Variants in GSE1 observed in about 807,000 individuals in gnomAD.
The protein encoded by GSE1 is Gse1 coiled-coil protein.
A neutral mutation model predicts 112.6 loss-of-function variants in GSE1; 32 were observed. The ratio of observed to expected loss-of-function variants is 0.28; its 90% CI spans 0.21 to 0.38. The LOEUF (loss-of-function observed/expected upper bound fraction) is 0.38. Ranked by LOEUF, GSE1 falls within the 10% of genes least tolerant of loss-of-function variation. The pLI is 1.00. For missense variants in GSE1, 2,348 were observed against 1,699.2 expected (o/e 1.38, Z -6.71); for synonymous variants, 1,115 against 735.6 (o/e 1.52, Z -8.35).
intron 1 of GSE1, among the ~76,000 whole-genome samples, chr16:85,560,725 C>T (rs1182669995): frequency 6.6e-6 from 1 of 152,120 alleles, no homozygotes; most frequent in Non-Finnish European, 1.5e-5. Flanking sequence ...CCTAGATCCC[C>T]CCTTTCCTGA....
chr16:85,441,060 G>C (rs2049364611), intron 2 of GSE1, among the ~76,000 whole-genome samples: 1 of 152,206 alleles, frequency 6.6e-6, no homozygotes, highest in Non-Finnish European at 1.5e-5. Context: ...GGTGGCAGCT[G>C]ATCCCAGTGC....
Position 85,419,473 on chromosome 16 carries a change from G to A in GSE1, c.2464+61830G>A, listed in dbSNP as rs1416475121. Among the ~76,000 whole-genome samples, 3 of 152,028 alleles carry A rather than the reference G, an allele frequency of 2.0e-5. No individual in the cohort carries two copies. The highest frequency in any genetic ancestry group is 2.9e-5 in the Non-Finnish European group (2 of 68,006). On this transcript the variant is annotated intron_variant, in intron 2 of 2. Coordinates refer to the GSE1 transcript ENST00000637419. This position sits in a 1 kb window ranked among gnomAD's most constrained non-coding sequence, Gnocchi z 6.5. The stretch of plus-strand genomic sequence containing the variant: ...GAACAAAAGTTAGCCAGGCGTGGTG[G>A]TGCACATCTGTGGTCCTAGCTACTC...
intron 2 of GSE1, among the ~76,000 whole-genome samples, chr16:85,480,375 C>T (rs1262711005): frequency 1.3e-5 from 2 of 152,214 alleles, no homozygotes; most frequent in African/African-American, 4.8e-5. Context: ...GGCCTTGCGG[C>T]AGGGGGCGCG....
intron 2 of GSE1, among the ~76,000 whole-genome samples, chr16:85,369,301 G>C (rs2047246698): frequency 6.6e-6 from 1 of 151,918 alleles, no homozygotes; most frequent in African/African-American, 2.4e-5. Flanking sequence ...CTGCAACCTT[G>C]ACCTCCCTGG....
In GSE1 at chr16:85,657,246, A is replaced by T. The variant is rs376927274; in HGVS notation, c.1313-31A>T. The T allele has an allele frequency of 1.6e-4, 241 of 1,467,292 alleles. No individual in the cohort carries two copies. In the African/African-American group the frequency reaches 2.6e-3, roughly 16 times the overall value. 90.9% of individuals were successfully genotyped at this position (1,467,292 alleles called of 1,614,324 possible). On this transcript the variant is annotated intron_variant, in intron 7 of 15. Coordinates refer to ENST00000253458, the MANE Select transcript of GSE1 (RefSeq NM_014615.5). ...GGGAGCATGCTGGCCCACGTGGCTGAGATCCTGCTTGACCGTGTTTCCCCC... is the reference window on the plus strand; with the variant it reads ...GGGAGCATGCTGGCCCACGTGGCTGTGATCCTGCTTGACCGTGTTTCCCCC...
chr16:85,239,868 A>G (rs146516806), intron 1 of GSE1, among the ~76,000 whole-genome samples: 53 of 152,340 alleles, frequency 3.5e-4, no homozygotes, highest in African/African-American at 1.2e-3. Flanking sequence ...TCCCAAACCA[A>G]CGGAAAGTCT....
chr16:85,536,908 G>A (rs1320701006), intron 2 of GSE1, among the ~76,000 whole-genome samples: 1 of 152,236 alleles, frequency 6.6e-6, no homozygotes, highest in African/African-American at 2.4e-5. Context: ...GAACCGGCGA[G>A]GAATGGTGAC....
At chr16:85,306,916 C>T (rs2045694530) in intron 1 of GSE1, among the ~76,000 whole-genome samples, 1 of 152,236 alleles carries the variant, frequency 6.6e-6, no homozygotes, top group Admixed American at 6.5e-5. Flanking sequence ...TGGGTGTCCC[C>T]TTCCTGTTAT....
chr16:85,461,170 T>C (rs4782706), intron 2 of GSE1, among the ~76,000 whole-genome samples: 130,368 of 152,222 alleles, frequency 0.86, 57,712 homozygotes, highest in Non-Finnish European at 0.96. Context: ...CTGGGTTTCT[T>C]AACCTTGGGA....
intron 1 of GSE1, among the ~76,000 whole-genome samples, chr16:85,253,959 C>T (rs912073958): frequency 6.6e-6 from 1 of 152,176 alleles, no homozygotes; most frequent in Non-Finnish European, 1.5e-5. Flanking sequence ...GCAAACATGT[C>T]TGGATGTCTG....
At chr16:85,354,422 A>C (rs1269469919) in intron 1 of GSE1, among the ~76,000 whole-genome samples, 1 of 152,274 alleles carries the variant, frequency 6.6e-6, no homozygotes, top group Admixed American at 6.5e-5. Flanking sequence ...GTAGGTGCTC[A>C]GTAAAAAGGG....
At chr16:85,295,728 C>T (rs1473247744) in intron 1 of GSE1, among the ~76,000 whole-genome samples, 2 of 152,056 alleles carry the variant, frequency 1.3e-5, no homozygotes, top group Non-Finnish European at 2.9e-5. Flanking sequence ...AGAAAACACA[C>T]ATCGATCCTT....
chr16:85,546,540 C>T (rs185004070), intron 2 of GSE1, among the ~76,000 whole-genome samples: 64 of 152,352 alleles, frequency 4.2e-4, no homozygotes, highest in Admixed American at 9.1e-4. Context: ...GGCCTCTGCC[C>T]TGAGCATCAT....
intron 2 of GSE1, among the ~76,000 whole-genome samples, chr16:85,382,106 C>T (rs1465565246): frequency 1.3e-5 from 2 of 152,240 alleles, no homozygotes; most frequent in African/African-American, 2.4e-5. Context: ...ATCAATCTTG[C>T]GGCCCTGGGC....
At chr16:85,637,787 G>C (rs998636431) in intron 2 of GSE1, among the ~76,000 whole-genome samples, 1 of 152,218 alleles carries the variant, frequency 6.6e-6, no homozygotes, top group African/African-American at 2.4e-5. Flanking sequence ...CACACCTGCC[G>C]GGGAGTGGGG....
chr16:85,274,577 C>T (rs1295467617), intron 1 of GSE1, among the ~76,000 whole-genome samples: 1 of 152,168 alleles, frequency 6.6e-6, no homozygotes, highest in Non-Finnish European at 1.5e-5. Context: ...CATGAATGGG[C>T]AGCCGTCGAG....
intron 2 of GSE1, among the ~76,000 whole-genome samples, chr16:85,387,218 C>T (rs2047707056): frequency 6.6e-6 from 1 of 152,150 alleles, no homozygotes; most frequent in South Asian, 2.1e-4. Flanking sequence ...GAGCCCCCTG[C>T]ACCCATGGTC....
At chr16:85,479,249 G>A (rs1424743978) in intron 2 of GSE1, among the ~76,000 whole-genome samples, 1 of 136,178 alleles carries the variant, frequency 7.3e-6, no homozygotes, top group Non-Finnish European at 1.5e-5. Context: ...AGCCAGGATG[G>A]TCTTGATCTC....
rs2045652284 is a variant in GSE1 at position 85,305,473 on chromosome 16, T to TG, written c.2284-51990_2284-51989insG. 4.0e-5 allele frequency among the ~76,000 whole-genome samples: 6 copies of TG among 151,320 alleles called. No individual in the cohort carries two copies. In the South Asian group the frequency reaches 1.0e-3, roughly 26 times the overall value. ...CAGCATCAGTTTTTTGTTGTTTTTT[T>TG]TTTTTTGTTTGTTTGTTTTGTTTTT... On this transcript the variant is annotated intron_variant, in intron 1 of 2. Coordinates refer to the GSE1 transcript ENST00000637419.
Sources: allele counts gnomAD v4.1 joint callset (sites outside exome capture counted in the v4.1 genomes callset), GRCh38; gene constraint gnomAD v4.1.1; non-coding constraint Gnocchi (gnomAD v3.1); transcripts MANE v1.5; gene names NCBI Gene and HGNC (gene_info 2026-07-23, HGNC 2026-07-21).